The following MAPK10 variants were observed in gnomAD, a reference collection of about 807,000 sequenced individuals.
MAPK10 encodes JNK3 alpha protein kinase.
MAPK10 carries 25 observed loss-of-function variants against 59.3 expected under a neutral mutation model. The ratio of observed to expected loss-of-function variants is 0.42; its 90% CI spans 0.31 to 0.59. The LOEUF (loss-of-function observed/expected upper bound fraction) is 0.59. MAPK10 is among the 20% of genes least tolerant of loss of function. MAPK10 has a pLI of 0.15. For missense variants in MAPK10, 351 were observed against 568.9 expected, an observed-to-expected ratio of 0.62 and a Z score of 3.90; for synonymous variants, 190 against 200.5, an observed-to-expected ratio of 0.95 and a Z score of 0.44.
At chr4:86,312,923 G>C (rs2095699185) in intron 2 of MAPK10, among the ~76,000 whole-genome samples, 1 of 152,060 alleles carries the variant, frequency 6.6e-6, no homozygotes, top group African/African-American at 2.4e-5. Context: ...TATTATTTAA[G>C]CTGGTATTCT....
intron 1 of MAPK10, among the ~76,000 whole-genome samples, chr4:86,441,237 TG>T (rs1749389180): frequency 6.6e-6 from 1 of 152,206 alleles, no homozygotes; most frequent in African/African-American, 2.4e-5. Flanking sequence ...AAAGTAAACC[TG>T]GGAGTAGCTA....
intron 1 of MAPK10, among the ~76,000 whole-genome samples, chr4:86,540,362 T>C (rs1046619215): frequency 3.9e-4 from 60 of 152,080 alleles, no homozygotes; most frequent in African/African-American, 1.4e-3. Context: ...TAGCCGGGTA[T>C]GGTGTCGCAC....
intron 13 of MAPK10, chr4:86,024,070 GC>G (rs945432268): frequency 6.6e-6 from 1 of 151,668 alleles, no homozygotes; most frequent in African/African-American, 2.4e-5. Flanking sequence ...CTTGAGATAG[GC>G]TTTTTCCCCT....
intron 1 of MAPK10, among the ~76,000 whole-genome samples, chr4:86,425,413 G>A (rs1747141118): frequency 6.8e-6 from 1 of 147,498 alleles, no homozygotes; most frequent in Admixed American, 7.0e-5. Flanking sequence ...ATGACTCCAG[G>A]TAATTTTCTA....
intron 2 of MAPK10, among the ~76,000 whole-genome samples, chr4:86,314,298 A>G (rs2095732148): frequency 6.6e-6 from 1 of 152,094 alleles, no homozygotes; most frequent in African/African-American, 2.4e-5. Context: ...CCCAAATCTC[A>G]TCTTGAATTA....
intron 11 of MAPK10, among the ~76,000 whole-genome samples, chr4:86,060,038 G>C (rs1347319457): frequency 6.6e-6 from 1 of 152,142 alleles, no homozygotes; most frequent in East Asian, 1.9e-4. Context: ...CTGTCTCTGG[G>C]CATCTCTGAA....
At chr4:86,375,467 T>A (rs570715871) in intron 1 of MAPK10, among the ~76,000 whole-genome samples, 2 of 152,150 alleles carry the variant, frequency 1.3e-5, no homozygotes, top group East Asian at 3.9e-4. Flanking sequence ...ACACCTGTAA[T>A]CCCAGCACTT....
chr4:86,505,170 T>A (rs552500965), intron 1 of MAPK10, among the ~76,000 whole-genome samples: 1 of 152,296 alleles, frequency 6.6e-6, no homozygotes, highest in South Asian at 2.1e-4. Context: ...TATTCCTCTA[T>A]AGTGCTTCAG....
At chr4:86,524,842 G>T (rs1757355948) in intron 1 of MAPK10, among the ~76,000 whole-genome samples, 1 of 146,082 alleles carries the variant, frequency 6.8e-6, no homozygotes, top group Non-Finnish European at 1.5e-5. Flanking sequence ...AATTAGGTTG[G>T]TGCAAAAAAA....
chr4:86,484,905 A>G (rs1464451677), intron 1 of MAPK10, among the ~76,000 whole-genome samples: 9 of 152,230 alleles, frequency 5.9e-5, no homozygotes, highest in Non-Finnish European at 4.4e-5. Flanking sequence ...AAAGGCAGTA[A>G]GACAGAAAGC....
At chr4:86,416,651 T>C (rs1745897153) in intron 1 of MAPK10, among the ~76,000 whole-genome samples, 1 of 152,188 alleles carries the variant, frequency 6.6e-6, no homozygotes, top group South Asian at 2.1e-4. Context: ...TACATGAAGC[T>C]ACCTCAGTGT....
At position 86,474,017 on chromosome 4, in the gene MAPK10, C is replaced by G. The variant is rs575521388; in HGVS notation, c.-262-119373G>C. Among the ~76,000 whole-genome samples the G allele has an allele frequency of 5.3e-5, 8 of 152,266 alleles. No homozygotes were observed. In the East Asian group the frequency reaches 1.5e-3, roughly 29 times the overall value. On this transcript the variant is annotated intron_variant, in intron 1 of 4. Transcript: ENST00000502302. Reference sequence around the variant, plus strand: ...AAAAAAGAATTATTAACAACTTCGTCCCACATACATTTCCACGCATATATA... The same window carrying G: ...AAAAAAGAATTATTAACAACTTCGTGCCACATACATTTCCACGCATATATA...
At chr4:86,155,568 A>G (rs979040649) in intron 4 of MAPK10, among the ~76,000 whole-genome samples, 1 of 152,014 alleles carries the variant, frequency 6.6e-6, no homozygotes, top group Non-Finnish European at 1.5e-5. Context: ...TGAACTCTAT[A>G]TATACTATGT....
chr4:86,258,552 G>T (rs898666250), intron 2 of MAPK10, among the ~76,000 whole-genome samples: 1 of 152,026 alleles, frequency 6.6e-6, no homozygotes, highest in Non-Finnish European at 1.5e-5. Flanking sequence ...AAAGAATAGT[G>T]CATGCTTGCT....
intron 2 of MAPK10, among the ~76,000 whole-genome samples, chr4:86,245,668 C>T (rs1343244972): frequency 6.6e-6 from 1 of 151,970 alleles, no homozygotes; most frequent in East Asian, 1.9e-4. Flanking sequence ...GAACATATCT[C>T]TATCTTTAGT....
intron 2 of MAPK10, among the ~76,000 whole-genome samples, chr4:86,202,372 A>G (rs183039781): frequency 6.6e-6 from 1 of 151,910 alleles, no homozygotes; most frequent in African/African-American, 2.4e-5. Flanking sequence ...ATTCATTTGT[A>G]TGTCTTTTCC....
intron 1 of MAPK10, among the ~76,000 whole-genome samples, chr4:86,478,825 C>T (rs1250422867): frequency 6.6e-6 from 1 of 152,180 alleles, no homozygotes; most frequent in Non-Finnish European, 1.5e-5. Context: ...AAAGGCAGGC[C>T]ATGCTATAGT....
At chr4:86,476,721 A>G (rs976850380) in intron 1 of MAPK10, among the ~76,000 whole-genome samples, 9 of 152,218 alleles carry the variant, frequency 5.9e-5, no homozygotes, top group African/African-American at 1.9e-4. Flanking sequence ...GCAGCCAAGT[A>G]GCAATGTATT....
chr4:86,522,207 C>T (rs1184755263), intron 1 of MAPK10, among the ~76,000 whole-genome samples: 2 of 152,128 alleles, frequency 1.3e-5, no homozygotes. Flanking sequence ...TGTCTTGTGG[C>T]ATTTTTCTCA....
Sources: gnomAD v4.1 joint callset for allele counts (sites outside exome capture counted in the v4.1 genomes callset) on GRCh38, gnomAD v4.1.1 for gene constraint, MANE v1.5 for transcripts, NCBI Gene and HGNC (gene_info 2026-07-23, HGNC 2026-07-21) for gene names.